The following TNKS variants were observed in gnomAD, a reference collection of about 807,000 sequenced individuals.
TNKS encodes tankyrase, also known as poly [ADP-ribose] polymerase tankyrase-1.
In TNKS, 72 loss-of-function variants were observed where a neutral mutation model predicts 135.8. The ratio of observed to expected loss-of-function variants is 0.53; its 90% confidence interval spans 0.44 to 0.64. TNKS has a LOEUF of 0.64. Ranked by LOEUF, TNKS falls within the 30% of genes least tolerant of loss-of-function variation. The probability of loss-of-function intolerance (pLI) is 0.00; values close to 1 mark genes in which losing one functional copy is unlikely to be tolerated. For synonymous variants in TNKS, 849 were observed against 649.3 expected (o/e 1.31, Z -4.68); for missense variants, 1,769 against 1,674.0 (o/e 1.06, Z -0.99).
chr8:9,642,314 G>C (rs190892433), intron 3 of TNKS, among the ~76,000 whole-genome samples: 1 of 146,256 alleles, frequency 6.8e-6, no homozygotes, highest in Middle Eastern at 3.3e-3. Context: ...GTATTTGAAC[G>C]GTGCTAGTTT....
intron 5 of TNKS, among the ~76,000 whole-genome samples, chr8:9,698,320 C>G (rs540508549): frequency 5.0e-5 from 7 of 140,008 alleles, no homozygotes; most frequent in African/African-American, 1.9e-4. Context: ...TGCAGTATAC[C>G]CATGTAACAA....
chr8:9,645,209 G>A (rs1241288530), intron 3 of TNKS, among the ~76,000 whole-genome samples: 3 of 152,030 alleles, frequency 2.0e-5, no homozygotes, highest in African/African-American at 4.8e-5. Flanking sequence ...GGACAAGGGT[G>A]GGGGATGGGT....
chr8:9,726,383 C>T (rs1805164540), intron 12 of TNKS, among the ~76,000 whole-genome samples: 1 of 152,006 alleles, frequency 6.6e-6, no homozygotes, highest in African/African-American at 2.4e-5. Context: ...GAGCAACTGT[C>T]TCAAAAAATA....
rs1292286939 is a variant in TNKS, at chr8:9,558,639, A to G, written c.673+2027A>G. The stretch of plus-strand genomic sequence containing the variant: ...TTGTTTCTCAAATCACGTGTCTTCT[A>G]TTTGCCACAATAGTTACTTGTTATT... On this transcript the variant is annotated intron_variant, in intron 1 of 26. Transcript: ENST00000310430. 7 of 152,154 alleles carry G rather than the reference A, an allele frequency of 4.6e-5. No individual in the cohort carries two copies. In the South Asian group the frequency reaches 6.2e-4, roughly 13 times the overall value. The allele number at this position is 152,154 out of a possible 1,614,324, so 9.4% of individuals were successfully genotyped here.
chr8:9,647,942 T>C (rs1482094364), intron 3 of TNKS, among the ~76,000 whole-genome samples: 1 of 152,198 alleles, frequency 6.6e-6, no homozygotes, highest in Non-Finnish European at 1.5e-5. Flanking sequence ...GTACAGCATG[T>C]TACTCCACTG....
chr8:9,583,544 G>A (rs1293420613), intron 2 of TNKS, among the ~76,000 whole-genome samples: 10 of 151,626 alleles, frequency 6.6e-5, no homozygotes, highest in African/African-American at 1.5e-4. Flanking sequence ...GCTGGAGTGC[G>A]GTGGCGCGAT....
chr8:9,643,603 C>T (rs1344681307), intron 3 of TNKS, among the ~76,000 whole-genome samples: 1 of 152,088 alleles, frequency 6.6e-6, no homozygotes, highest in African/African-American at 2.4e-5. Flanking sequence ...CAACAACCAC[C>T]ACCACCACCA....
intron 26 of TNKS, among the ~76,000 whole-genome samples, chr8:9,775,719 T>C (rs1808195407): frequency 6.6e-6 from 1 of 151,882 alleles, no homozygotes; most frequent in African/African-American, 2.4e-5. Flanking sequence ...TTTCCTTTTA[T>C]TATCTTATCC....
At chr8:9,640,433 C>G (rs965047135) in intron 3 of TNKS, among the ~76,000 whole-genome samples, 2 of 145,280 alleles carry the variant, frequency 1.4e-5, no homozygotes, top group Non-Finnish European at 3.0e-5. Flanking sequence ...TACATTCAAA[C>G]CATATCATAA....
chr8:9,766,531 G>C (rs1220686234), intron 25 of TNKS, 106 bp downstream of exon 25: 4 of 1,088,714 alleles, frequency 3.7e-6, no homozygotes, highest in Non-Finnish European at 4.9e-6. Context: ...TTGTCACCCA[G>C]GCTGGAGTGC....
rs144582410 is a variant in TNKS at position 9,735,465 on chromosome 8, T to C, written c.2622T>C (p.Leu874=). Residue 874 remains leucine (L), a synonymous_variant, in exon 17 of 27, where the codon CTT becomes CTC. Coordinates refer to ENST00000310430, the MANE Select transcript of TNKS (RefSeq NM_003747.3). ...AGGACAAGGGTGGTTTAATTCCTCT[T>C]CATAATGCGGCATCTTATGGGGTAA... ...NAQDKGGLIP[L]HNAASYGHVD... is the part of the protein sequence containing the mutation. 19 of 1,613,798 alleles carry C rather than the reference T, an allele frequency of 1.2e-5. No individual in the cohort carries two copies. In the African/African-American group the frequency reaches 2.5e-4, roughly 22 times the overall value.
chr8:9,734,764 T>G (rs573961008), intron 15 of TNKS, 101 bp from the exon 16 acceptor site: 10 of 1,015,208 alleles, frequency 9.9e-6, no homozygotes, highest in Admixed American at 2.7e-5. Context: ...AGTAGATATC[T>G]TCCCCAGAGG....
rs542923866 is a variant in TNKS at position 9,565,470 on chromosome 8, C to T, written c.673+8858C>T. ...CATTTGGTAGTTAGCAGATGATTTC[C>T]ATGAACTACAAGTCCAAACTGAACA... On this transcript the variant is annotated intron_variant, in intron 1 of 26. Transcript: ENST00000310430. 3.9e-5 allele frequency among the ~76,000 whole-genome samples: 6 copies of T among 152,220 alleles called. No individual in the cohort carries two copies. In the East Asian group the frequency reaches 1.2e-3, roughly 29 times the overall value.
intron 6 of TNKS, 132 bp from the exon 7 acceptor site, chr8:9,706,055 A>T (rs1226686731): frequency 2.0e-6 from 1 of 497,132 alleles, no homozygotes; most frequent in Non-Finnish European, 3.3e-6. Context: ...GAATTCTTTT[A>T]TTATTTTATT....
intron 3 of TNKS, 45 bp downstream of exon 3, chr8:9,615,722 C>G: frequency 6.9e-7 from 1 of 1,451,318 alleles, no homozygotes; most frequent in Non-Finnish European, 9.4e-7. Context: ...TGTGTAACTC[C>G]TTACTTGATT....
intron 3 of TNKS, among the ~76,000 whole-genome samples, chr8:9,640,425 C>T (rs1800684473): frequency 6.9e-6 from 1 of 145,268 alleles, no homozygotes; most frequent in Non-Finnish European, 1.5e-5. Flanking sequence ...TTGGGGGATA[C>T]ATTCAAACCA....
intron 3 of TNKS, among the ~76,000 whole-genome samples, chr8:9,653,321 G>C (rs61424526): frequency 0.021 from 3,233 of 152,110 alleles, 109 homozygotes; most frequent in African/African-American, 0.071. Context: ...TCATGCATCT[G>C]ACTGTCTCTG....
intron 23 of TNKS, 93 bp from the exon 24 acceptor site, chr8:9,765,599 A>C: frequency 9.5e-7 from 1 of 1,051,940 alleles, no homozygotes; most frequent in South Asian, 1.5e-5. Context: ...GCAAAATAAA[A>C]ATTGAACCTT....
chr8:9,672,171 A>T (rs999292098), intron 3 of TNKS, among the ~76,000 whole-genome samples: 17 of 152,202 alleles, frequency 1.1e-4, no homozygotes, highest in African/African-American at 4.1e-4. Context: ...ATTAGAGATT[A>T]TTCTTAATCT....
Sources: allele counts gnomAD v4.1 joint callset (sites outside exome capture counted in the v4.1 genomes callset), GRCh38; gene constraint gnomAD v4.1.1; transcripts MANE v1.5; gene names NCBI Gene and HGNC (gene_info 2026-07-23, HGNC 2026-07-21).